The following LRFN5 variants were observed in gnomAD, a reference collection of about 807,000 sequenced individuals.
LRFN5 encodes leucine rich repeat and fibronectin type III domain containing 5.
Under a neutral mutation model 45.6 loss-of-function variants are expected in LRFN5, and 24 were observed. That is an observed-to-expected ratio of 0.53 (90% CI 0.38 to 0.74). The LOEUF is 0.74. Ranked by LOEUF, LRFN5 falls within the 30% of genes least tolerant of loss-of-function variation. The pLI is 0.00. For missense variants in LRFN5, 776 were observed against 861.5 expected (o/e 0.90, Z 1.24); for synonymous variants, 340 against 313.8 (o/e 1.08, Z -0.88).
At position 41,891,269 on chromosome 14, in the gene LRFN5, A is replaced by G; in HGVS notation, c.1405A>G (p.Lys469Glu). ...CCTCAGAATGATACCTCCTACGAGC[A>G]AAACTTTTCTGGTCAATAATCTGGC... ...LVYRMIPPTS[K>E]TFLVNNLAAG... Residue 469 changes from lysine (K) to glutamate (E), a missense_variant, in exon 4 of 6, where the codon AAA becomes GAA. Transcript: ENST00000298119. The G allele has an allele frequency of 6.2e-7, 1 of 1,613,806 alleles. No individual in the cohort carries two copies. The highest frequency in any genetic ancestry group is 8.5e-7 in the Non-Finnish European group (1 of 1,180,028).
intron 1 of LRFN5, among the ~76,000 whole-genome samples, chr14:41,756,256 T>C (rs1885375320): frequency 6.6e-6 from 1 of 152,198 alleles, no homozygotes; most frequent in Admixed American, 6.5e-5. Context: ...GGAGTTGCTC[T>C]TCTCGAGGAG....
chr14:41,872,437 A>G (rs1275627179), intron 2 of LRFN5, among the ~76,000 whole-genome samples: 1 of 152,198 alleles, frequency 6.6e-6, no homozygotes, highest in Non-Finnish European at 1.5e-5. Flanking sequence ...ACTGTAACCA[A>G]TTGAAATTAG....
chr14:41,654,220 A>G (rs1880268807), intron 1 of LRFN5, among the ~76,000 whole-genome samples: 1 of 152,052 alleles, frequency 6.6e-6, no homozygotes, highest in African/African-American at 2.4e-5. Flanking sequence ...AAAGAAAAGT[A>G]GAACCAGTTC....
intron 1 of LRFN5, among the ~76,000 whole-genome samples, chr14:41,755,579 G>T (rs1004483934): frequency 6.6e-6 from 1 of 152,092 alleles, no homozygotes; most frequent in Non-Finnish European, 1.5e-5. Context: ...CAGAGACTAG[G>T]ATTGCAACCC....
At chr14:41,732,017 G>A (rs1884200624) in intron 1 of LRFN5, 2 of 152,148 alleles carry the variant, frequency 1.3e-5, no homozygotes, top group South Asian at 2.1e-4. Flanking sequence ...TTTACTTTCA[G>A]AATATGTCTG....
chr14:41,660,543 T>C (rs1880599622), intron 1 of LRFN5, among the ~76,000 whole-genome samples: 2 of 151,782 alleles, frequency 1.3e-5, no homozygotes. Flanking sequence ...AAGACTGGCT[T>C]GCAGAGGATT....
At chr14:41,635,317 A>G (rs1366703523) in intron 1 of LRFN5, among the ~76,000 whole-genome samples, 2 of 152,194 alleles carry the variant, frequency 1.3e-5, no homozygotes, top group African/African-American at 4.8e-5. Flanking sequence ...TTATTTTTAA[A>G]AACATAAATA....
chr14:41,898,476 A>G (rs1891008212), intron 4 of LRFN5, among the ~76,000 whole-genome samples: 1 of 152,036 alleles, frequency 6.6e-6, no homozygotes, highest in Non-Finnish European at 1.5e-5. Context: ...TTTGTACTCC[A>G]TATGGTGAAC....
chr14:41,631,120 A>G (rs1251657738), intron 1 of LRFN5, among the ~76,000 whole-genome samples: 2 of 152,148 alleles, frequency 1.3e-5, no homozygotes, highest in African/African-American at 2.4e-5. Flanking sequence ...ATTAAACTCA[A>G]ACTTGCTCTC....
intron 2 of LRFN5, among the ~76,000 whole-genome samples, chr14:41,881,694 T>A (rs1376637893): frequency 6.6e-6 from 1 of 152,184 alleles, no homozygotes; most frequent in Non-Finnish European, 1.5e-5. Flanking sequence ...GTTCTGTTCT[T>A]TCAGGCTTTT....
intron 2 of LRFN5, among the ~76,000 whole-genome samples, chr14:41,879,967 G>C (rs528676640): frequency 1.5e-5 from 2 of 131,002 alleles, no homozygotes; most frequent in South Asian, 5.1e-4. Flanking sequence ...CTGTTGCCCA[G>C]GCTGGAGTGC....
At chr14:41,878,181 A>T (rs935970156) in intron 2 of LRFN5, among the ~76,000 whole-genome samples, 1 of 152,170 alleles carries the variant, frequency 6.6e-6, no homozygotes, top group African/African-American at 2.4e-5. Context: ...AAGCTATATT[A>T]TAAAATATCC....
chr14:41,637,190 C>T (rs1879344991), intron 1 of LRFN5, among the ~76,000 whole-genome samples: 1 of 152,064 alleles, frequency 6.6e-6, no homozygotes, highest in African/African-American at 2.4e-5. Flanking sequence ...CAAGGTCACC[C>T]AGAGAACTGT....
chr14:41,678,460 A>G (rs1881737571), intron 1 of LRFN5, among the ~76,000 whole-genome samples: 5 of 152,278 alleles, frequency 3.3e-5, no homozygotes, highest in South Asian at 4.1e-4. Flanking sequence ...GGGGATTTCA[A>G]TACCCCATTT....
chr14:41,652,048 C>T (rs1880148875), intron 1 of LRFN5, among the ~76,000 whole-genome samples: 1 of 152,110 alleles, frequency 6.6e-6, no homozygotes, highest in African/African-American at 2.4e-5. Context: ...AATACAGTCA[C>T]ATTCTGGAAT....
intron 1 of LRFN5, among the ~76,000 whole-genome samples, chr14:41,682,304 G>A (rs56164672): frequency 0.015 from 2,257 of 151,906 alleles, 10 homozygotes; most frequent in African/African-American, 0.021. Context: ...GACATAGACA[G>A]TATAATAAGA....
chr14:41,786,730 C>A lies in LRFN5; in HGVS notation c.-21+19701C>A, dbSNP rs964351257. On this transcript the variant is annotated intron_variant, in intron 2 of 5. Transcript: ENST00000298119. ...TGTACGCTTTCATTTTTCTAGGATT[C>A]CAGTGACACTTATGTTGAACTGCTC... Among the ~76,000 whole-genome samples, 7 of 151,952 alleles carry A rather than the reference C, an allele frequency of 4.6e-5. No homozygotes were observed. The South Asian group carries it at 1.5e-3, about 32-fold the overall frequency.
intron 2 of LRFN5, among the ~76,000 whole-genome samples, chr14:41,781,638 AGAAAGAAAGAGAAAGAAAGAAAGAAAG>A (rs1566437447): frequency 3.3e-5 from 5 of 150,130 alleles, no homozygotes; most frequent in East Asian, 3.9e-4. Flanking sequence ...AAGAAAGGAA[AGAAAGAAAGAGAAAGAAAGAAAGAAAG>A]GAAAGAAAGA....
chr14:41,702,831 T>C (rs61990316), intron 1 of LRFN5, among the ~76,000 whole-genome samples: 27,026 of 151,756 alleles, frequency 0.18, 2,996 homozygotes, highest in Non-Finnish European at 0.26. Flanking sequence ...GGATATACAC[T>C]ACTACTTAAA....
Sources: allele counts gnomAD v4.1 joint callset (sites outside exome capture counted in the v4.1 genomes callset), GRCh38; gene constraint gnomAD v4.1.1; transcripts MANE v1.5; gene names NCBI Gene and HGNC (gene_info 2026-07-23, HGNC 2026-07-21).